The following CUBN variants were observed in gnomAD, a reference collection of about 807,000 sequenced individuals.
The protein encoded by CUBN is cubilin, also known as 460 kDa receptor.
A neutral mutation model predicts 405.3 loss-of-function variants in CUBN; 282 were observed. That is an observed-to-expected ratio of 0.70 (90% CI 0.63 to 0.77). CUBN has a LOEUF of 0.77. Among genes scored for constraint, CUBN ranks in the 30% least tolerant of loss-of-function variants. The pLI is 0.00. For synonymous variants in CUBN, 1,684 were observed against 1,617.0 expected (o/e 1.04, Z -0.99); for missense variants, 4,514 against 4,475.2 (o/e 1.01, Z -0.25).
rs535147468 is a variant in CUBN at position 17,124,707 on chromosome 10, T to C, written c.388-1018A>G. ...CCTCCTAAAGTGCTGGGATTACAGGTGTGAGCCACCGCGCCCAGCCAGAGA... is the reference window on the plus strand; with the variant it reads ...CCTCCTAAAGTGCTGGGATTACAGGCGTGAGCCACCGCGCCCAGCCAGAGA... On this transcript the variant is annotated intron_variant, in intron 4 of 66. Coordinates refer to ENST00000377833, the MANE Select transcript of CUBN (RefSeq NM_001081.4). Among the ~76,000 whole-genome samples the C allele has an allele frequency of 5.3e-5, 8 of 151,442 alleles. No individual in the cohort carries two copies. In the East Asian group the frequency reaches 7.9e-4, roughly 15 times the overall value.
In CUBN at chr10:17,120,493, C is replaced by T. The variant is rs74815313; in HGVS notation, c.593+2302G>A. On this transcript the variant is annotated intron_variant, in intron 6 of 66. Coordinates refer to ENST00000377833, the MANE Select transcript of CUBN (RefSeq NM_001081.4). ...GAATCAAGATCATTTCCAAAGCCAT[C>T]CACACATCATCAGTTCTTCTGTATT... Among the ~76,000 whole-genome samples the T allele has an allele frequency of 9.5e-3, 1,443 of 152,314 alleles. 11 individuals are homozygous for T. Among genetic ancestry groups the T allele is most frequent in the African/African-American group, 0.033 (1,378 of 41,566 alleles).
At chr10:16,953,027 G>C (rs1842960225) in intron 32 of CUBN, among the ~76,000 whole-genome samples, 1 of 152,230 alleles carries the variant, frequency 6.6e-6, no homozygotes, top group African/African-American at 2.4e-5. Flanking sequence ...ACGCTGGAGA[G>C]AGGTCAGGGT....
At chr10:16,948,360 C>G in intron 35 of CUBN, 118 bp downstream of exon 35, 1 of 1,341,786 alleles carries the variant, frequency 7.5e-7, no homozygotes, top group Non-Finnish European at 1.1e-6. Flanking sequence ...AAGATTTGGC[C>G]CAGAGGTGAT....
chr10:17,030,919 A>AAAAAT (rs1195847807), intron 27 of CUBN, among the ~76,000 whole-genome samples: 2 of 152,116 alleles, frequency 1.3e-5, no homozygotes, highest in African/African-American at 2.4e-5. Context: ...ACTCTGTCTC[A>AAAAAT]AAAATAAAAT....
chr10:17,075,451 C>A (rs1835838606), intron 17 of CUBN, among the ~76,000 whole-genome samples: 1 of 152,012 alleles, frequency 6.6e-6, no homozygotes, highest in Non-Finnish European at 1.5e-5. Context: ...TTACTCTCAT[C>A]CATAACTGGT....
rs1396472867 is a variant in CUBN, at chr10:16,940,149, A to G, written c.5431T>C (p.Tyr1811His). The change falls in exon 37 of 67, where the codon TAC becomes CAC. Residue 1811 changes from tyrosine to histidine, a missense_variant. Tyr to His is a moderately conservative substitution (Grantham distance 83). This residue lies in a region of CUBN where 1,613 missense variants were observed against 1,542.8 expected (regional missense o/e 1.05). Transcript: ENST00000377833. Reference protein sequence around the residue: ...GNATGHLVGRYCGNSFPLNYS... With the variant: ...GNATGHLVGRHCGNSFPLNYS... ...TTGAGAGGGAAGGAGTTTCCACAGT[A>G]TCGTCCCACCAAGTGACCCGTGGCA... 1.9e-6 allele frequency: 3 copies of G among 1,614,124 alleles called. No homozygotes were observed. Among genetic ancestry groups the G allele is most frequent in the East Asian group, 2.2e-5 (1 of 44,888 alleles).
At position 16,877,120 on chromosome 10, in the gene CUBN, G is replaced by T. The variant is rs767217031; in HGVS notation, c.8906-23C>A. 6 of 1,600,554 alleles carry T rather than the reference G, an allele frequency of 3.7e-6. No individual in the cohort carries two copies. In the African/African-American group the frequency reaches 4.0e-5, roughly 11 times the overall value. On this transcript the variant is annotated intron_variant, in intron 56 of 66. Transcript: ENST00000377833. ...GAGCTGGAAAAGGCATGGAACAACC[G>T]CATTATGATCAGAACCTACACAAAC... is the stretch of plus-strand genomic sequence containing the variant.
intron 59 of CUBN, among the ~76,000 whole-genome samples, chr10:16,855,783 G>A (rs954911286): frequency 2.0e-5 from 3 of 152,120 alleles, no homozygotes; most frequent in Non-Finnish European, 4.4e-5. Flanking sequence ...AAAGAACATG[G>A]AGAAAAATAT....
At chr10:16,882,266 A>G (rs1840683804) in intron 56 of CUBN, among the ~76,000 whole-genome samples, 2 of 152,220 alleles carry the variant, frequency 1.3e-5, no homozygotes. Flanking sequence ...GGAACTCAGT[A>G]ATTCTTAACT....
intron 47 of CUBN, 101 bp from the exon 48 acceptor site, chr10:16,914,093 A>G (rs751330119): frequency 4.1e-6 from 5 of 1,224,866 alleles, no homozygotes; most frequent in Non-Finnish European, 5.9e-6. Context: ...TTATCCTTCT[A>G]GATAAAATTA....
rs551226263 is a variant in CUBN at position 16,903,647 on chromosome 10, T to A, written c.8062+319A>T. Among the ~76,000 whole-genome samples the A allele has an allele frequency of 4.1e-3, 604 of 147,596 alleles. 2 individuals carry two copies. The highest frequency in any genetic ancestry group is 0.016 in the South Asian group (74 of 4,766). On this transcript the variant is annotated intron_variant, in intron 51 of 66. Coordinates refer to ENST00000377833, the MANE Select transcript of CUBN (RefSeq NM_001081.4). Reference sequence around the variant, plus strand: ...AATTTTAAAATTATTAAATAATAATTATTATTAATAATTATTTATTATTAT... The same window carrying A: ...AATTTTAAAATTATTAAATAATAATAATTATTAATAATTATTTATTATTAT...
At chr10:17,069,219 T>C (rs943673034) in intron 19 of CUBN, among the ~76,000 whole-genome samples, 1 of 152,238 alleles carries the variant, frequency 6.6e-6, no homozygotes, top group Non-Finnish European at 1.5e-5. Context: ...AAGTTGTTTC[T>C]ACTTTTAAAA....
At position 16,962,134 on chromosome 10, in the gene CUBN, T is replaced by C. The variant is rs78497572; in HGVS notation, c.4696-7586A>G. ...CCCCTTCTCTTTGCTTTCTCATCTG[T>C]TGCTAAATTTCTTAATCTGCAAAAT... On this transcript the variant is annotated intron_variant, in intron 31 of 66. Coordinates refer to ENST00000377833, the MANE Select transcript of CUBN (RefSeq NM_001081.4). Among the ~76,000 whole-genome samples the C allele has an allele frequency of 3.9e-5, 6 of 152,362 alleles. No individual in the cohort carries two copies. In the East Asian group the frequency reaches 1.2e-3, roughly 29 times the overall value.
intron 7 of CUBN, among the ~76,000 whole-genome samples, chr10:17,115,219 G>T (rs558884000): frequency 6.8e-6 from 1 of 146,154 alleles, no homozygotes; most frequent in Non-Finnish European, 1.5e-5. Context: ...ACTCCAGCCT[G>T]GGTGACAGAG....
At chr10:17,023,649 C>G (rs1044841094) in intron 27 of CUBN, 1 of 455,878 alleles carries the variant, frequency 2.2e-6, no homozygotes, top group Non-Finnish European at 4.4e-6. Context: ...CAACTACTGA[C>G]AAGCAAGCTG....
chr10:16,825,673 GTT>G (rs1491257120), intron 66 of CUBN, among the ~76,000 whole-genome samples: 5 of 145,916 alleles, frequency 3.4e-5, no homozygotes, highest in African/African-American at 1.3e-4. Flanking sequence ...GTGTGTGTGT[GTT>G]GGGGGGATAC....
chr10:16,973,906 G>T (rs1833013376), intron 31 of CUBN, among the ~76,000 whole-genome samples: 1 of 152,116 alleles, frequency 6.6e-6, no homozygotes, highest in African/African-American at 2.4e-5. Context: ...GGGCATCTAG[G>T]TTGATTCCAT....
chr10:16,934,404 TG>T (rs1462465113), intron 39 of CUBN, among the ~76,000 whole-genome samples: 19 of 152,156 alleles, frequency 1.2e-4, no homozygotes, highest in African/African-American at 4.1e-4. Flanking sequence ...CAACAGGAAG[TG>T]AATATAAAAT....
At chr10:16,892,892 T>C (rs1448243846) in intron 54 of CUBN, among the ~76,000 whole-genome samples, 2 of 152,216 alleles carry the variant, frequency 1.3e-5, no homozygotes, top group East Asian at 3.8e-4. Flanking sequence ...AATCCAAGAA[T>C]GCTTAAGTGC....
Sources: allele counts gnomAD v4.1 joint callset (sites outside exome capture counted in the v4.1 genomes callset), GRCh38; gene constraint gnomAD v4.1.1; regional missense constraint gnomAD v4.1.1; transcripts MANE v1.5; gene names NCBI Gene and HGNC (gene_info 2026-07-23, HGNC 2026-07-21).